Variants in ZNF518B observed in about 807,000 individuals in gnomAD.
The protein encoded by ZNF518B is zinc finger protein 518B.
ZNF518B carries 23 observed loss-of-function variants against 56.3 expected under a neutral mutation model. That is an observed-to-expected ratio of 0.41 (90% confidence interval 0.29 to 0.58). The LOEUF (loss-of-function observed/expected upper bound fraction) is 0.58, where lower values mean the gene tolerates loss of function less well. Among genes scored for constraint, ZNF518B ranks in the 20% least tolerant of loss-of-function variants. The pLI, the probability that ZNF518B is intolerant of heterozygous loss-of-function variation, is 0.32. For synonymous variants in ZNF518B, 529 were observed against 465.9 expected (o/e 1.14, Z -1.74); for missense variants, 1,460 against 1,272.1 (o/e 1.15, Z -2.25).
chr4:10,460,547 T>C (rs1384570352), upstream of ZNF518B, among the ~76,000 whole-genome samples: 1 of 151,846 alleles, frequency 6.6e-6, no homozygotes, highest in Admixed American at 6.6e-5. Context: ...GAGGAGAGCA[T>C]GTACAAAGGC....
At chr4:10,452,902 A>T (rs138281322) in intron 2 of ZNF518B, 1 of 152,344 alleles carries the variant, frequency 6.6e-6, no homozygotes, top group Non-Finnish European at 1.5e-5. Flanking sequence ...CTAGATTTCC[A>T]TCTGAAACCA....
chr4:10,449,614 A>G (rs1039425407), intron 2 of ZNF518B, among the ~76,000 whole-genome samples: 5 of 152,196 alleles, frequency 3.3e-5, no homozygotes, highest in African/African-American at 9.7e-5. Context: ...CCAGTTACCA[A>G]TCTGCACCTC....
intron 2 of ZNF518B, chr4:10,452,678 T>C (rs1715371288): frequency 6.6e-6 from 1 of 152,216 alleles, no homozygotes; most frequent in Non-Finnish European, 1.5e-5. Context: ...TCTTGGCTTC[T>C]AAACTATGCT....
Position 10,443,694 on chromosome 4 carries a change from G to A in ZNF518B, c.2635C>T (p.Leu879=), listed in dbSNP as rs1333947771. Residue 879 remains leucine, a synonymous_variant, in exon 3 of 3, where the codon CTG becomes TTG. Coordinates refer to ENST00000326756, the MANE Select transcript of ZNF518B (RefSeq NM_053042.3). ...GSSELNKQGR[L]LSRSLSISRN... ...CTTATAGAAAGACTTCTGGAAAGCA[G>A]TCTCCCTTGCTTATTTAATTCACTG... is the stretch of plus-strand genomic sequence containing the variant. 6.2e-7 allele frequency: 1 copy of A among 1,614,130 alleles called. No individual in the cohort carries two copies. Among genetic ancestry groups the A allele is most frequent in the Admixed American group, 1.7e-5 (1 of 60,016 alleles).
rs1240335724 is a variant in ZNF518B, at chr4:10,442,337, T to C, written c.*767A>G. The C allele has an allele frequency of 1.3e-5, 2 of 152,238 alleles. No homozygotes were observed. Among genetic ancestry groups the C allele is most frequent in the African/African-American group, 4.8e-5 (2 of 41,458 alleles). The allele number at this position is 152,238 out of a possible 1,614,324, so 9.4% of individuals were successfully genotyped here. ...CAAAGAGAAAATAGTTTTAGATATT[T>C]TCCTTTTGTAATCTCTTTTTGTCTT... On this transcript the variant is annotated 3_prime_UTR_variant, in exon 3 of 3. Coordinates refer to ENST00000326756, the MANE Select transcript of ZNF518B (RefSeq NM_053042.3).
At chr4:10,458,590 C>G (rs1715643147), upstream of ZNF518B, among the ~76,000 whole-genome samples, 1 of 152,234 alleles carries the variant, frequency 6.6e-6, no homozygotes, top group South Asian at 2.1e-4. Flanking sequence ...TCTTCCTGCC[C>G]TAGGCTGCAG....
At position 10,444,767 on chromosome 4, in the gene ZNF518B, T is replaced by C. The variant is rs1414018052; in HGVS notation, c.1562A>G (p.His521Arg). 3 of 1,613,766 alleles carry C rather than the reference T, an allele frequency of 1.9e-6. No individual in the cohort carries two copies. Among genetic ancestry groups the C allele is most frequent in the South Asian group, 1.1e-5 (1 of 91,064 alleles). Residue 521 changes from histidine to arginine, a missense_variant, in exon 3 of 3, where the codon CAC becomes CGC. Coordinates refer to ENST00000326756, the MANE Select transcript of ZNF518B (RefSeq NM_053042.3). The part of the protein sequence containing the change: ...VCFAESGRNL[H>R]SSSQQLLPFA... ...TGGGAGTAACTGCTGTGAGCTACTG[T>C]GTAAATTTCTTCCACTTTCAGCAAA...
At position 10,444,179 on chromosome 4, in the gene ZNF518B, A is replaced by T; in HGVS notation, c.2150T>A (p.Leu717His). The T allele has an allele frequency of 6.2e-7, 1 of 1,614,248 alleles. No homozygotes were observed. The highest frequency in any genetic ancestry group is 1.1e-5 in the South Asian group (1 of 91,086). ...IQEINVSLTG[L>H]GHSTGTLQKP... is the part of the protein sequence containing the mutation. The stretch of plus-strand genomic sequence containing the variant: ...CTGAAGAGTACCTGTGGAATGGCCA[A>T]GACCAGTGAGTGACACGTTGATTTC... The change falls in exon 3 of 3, where the codon CTT (leucine) becomes CAT (histidine). Residue 717 changes from leucine (L) to histidine (H), a missense_variant. Transcript: ENST00000326756.
intron 2 of ZNF518B, among the ~76,000 whole-genome samples, chr4:10,447,821 G>GT (rs1715134119): frequency 6.6e-6 from 1 of 151,960 alleles, no homozygotes; most frequent in African/African-American, 2.4e-5. Context: ...AGCTAATTTT[G>GT]TATTTTTAGT....
At chr4:10,449,552 G>A (rs945669280) in intron 2 of ZNF518B, among the ~76,000 whole-genome samples, 7 of 152,242 alleles carry the variant, frequency 4.6e-5, no homozygotes, top group African/African-American at 1.7e-4. Flanking sequence ...AAATTTCCTT[G>A]TTCTGCCTTG....
upstream of ZNF518B, among the ~76,000 whole-genome samples, chr4:10,460,325 C>CAAAAAAAAAAAAAAAAAAA (rs1043723933): frequency 1.1e-3 from 65 of 57,600 alleles, 22 homozygotes; most frequent in Admixed American, 1.8e-3. Context: ...AAAAAAAAAC[C>CAAAAAAAAAAAAAAAAAAA]AAAAAAAAAA....
Position 10,442,789 on chromosome 4 carries a change from T to C in ZNF518B, c.*315A>G. On this transcript the variant is annotated 3_prime_UTR_variant, in exon 3 of 3. Coordinates refer to ENST00000326756, the MANE Select transcript of ZNF518B (RefSeq NM_053042.3). The stretch of plus-strand genomic sequence containing the variant: ...CTCTGAATGGATTATGAAAGATCAG[T>C]ATGTACTCAGAAAACGGGGTGCTAA... 1 of 287,664 alleles carries C rather than the reference T, an allele frequency of 3.5e-6. No homozygotes were observed. Among genetic ancestry groups the C allele is most frequent in the Non-Finnish European group, 6.5e-6 (1 of 152,980 alleles). The allele number at this position is 287,664 out of a possible 1,614,324, so 17.8% of individuals were successfully genotyped here.
chr4:10,456,496 C>T (rs1445219998), intron 1 of ZNF518B, among the ~76,000 whole-genome samples: 2 of 152,150 alleles, frequency 1.3e-5, no homozygotes, highest in Non-Finnish European at 2.9e-5. Context: ...TTCTCAACCT[C>T]CTATGTCCTC....
At chr4:10,455,772 A>T (rs115855467) in intron 1 of ZNF518B, among the ~76,000 whole-genome samples, 107 of 152,334 alleles carry the variant, frequency 7.0e-4, no homozygotes, top group African/African-American at 2.5e-3. Flanking sequence ...TCTACGCAAA[A>T]AAGTGTTATT....
intron 2 of ZNF518B, among the ~76,000 whole-genome samples, chr4:10,449,284 G>A (rs1017919175): frequency 6.6e-6 from 1 of 152,126 alleles, no homozygotes; most frequent in Non-Finnish European, 1.5e-5. Flanking sequence ...CAGGAGAGAA[G>A]AAAGGAAAGG....
Position 10,444,095 on chromosome 4 carries a change from T to C in ZNF518B, c.2234A>G (p.Tyr745Cys). Reference sequence around the variant, plus strand: ...ATTACTGCCATCTGCAAAGTGTGGATATATTTGTTGATGAGTAAGCTGTCT... The same window carrying C: ...ATTACTGCCATCTGCAAAGTGTGGACATATTTGTTGATGAGTAAGCTGTCT... ...GNRQLTHQQI[Y>C]PHFADGSNRK... The change falls in exon 3 of 3, where the codon TAT (tyrosine) becomes TGT (cysteine). Residue 745 changes from tyrosine to cysteine, a missense_variant. Tyr to Cys is a radical substitution (Grantham distance 194). Coordinates refer to ENST00000326756, the MANE Select transcript of ZNF518B (RefSeq NM_053042.3). The C allele has an allele frequency of 3.7e-6, 6 of 1,614,208 alleles. No individual in the cohort carries two copies. The highest frequency in any genetic ancestry group is 5.1e-6 in the Non-Finnish European group (6 of 1,180,052).
intron 2 of ZNF518B, chr4:10,453,564 G>C (rs948709308): frequency 2.0e-5 from 3 of 150,580 alleles, no homozygotes; most frequent in Non-Finnish European, 4.4e-5. Flanking sequence ...CTTTGTATGT[G>C]AAAAAAAAAT....
chr4:10,446,450 ATACT>A lies in ZNF518B; in HGVS notation c.-126_-123del, dbSNP rs1419054835. ...AGGGGCGCAGCTACTTCTTGGGTGC[ATACT>A]TAATTATCTTTCTTTATATACTGCC... is the stretch of plus-strand genomic sequence containing the variant. On this transcript the variant is annotated 5_prime_UTR_variant, in exon 3 of 3. In the 5' UTR this introduces an upstream ATG that the reference lacks. Transcript: ENST00000326756. The A allele has an allele frequency of 1.1e-6, 1 of 877,468 alleles. No homozygotes were observed. The highest frequency in any genetic ancestry group is 2.5e-5 in the East Asian group (1 of 40,516). The allele number at this position is 877,468 out of a possible 1,614,324, so 54.4% of individuals were successfully genotyped here.
chr4:10,458,720 A>G (rs1189521397), upstream of ZNF518B, among the ~76,000 whole-genome samples: 3 of 152,214 alleles, frequency 2.0e-5, no homozygotes, highest in Non-Finnish European at 2.9e-5. Context: ...GATAGCACCT[A>G]TCAGAGAGAA....
Sources: gnomAD v4.1 joint callset for allele counts (sites outside exome capture counted in the v4.1 genomes callset) on GRCh38, gnomAD v4.1.1 for gene constraint, MANE v1.5 for transcripts, NCBI Gene and HGNC (gene_info 2026-07-23, HGNC 2026-07-21) for gene names.